Variants in VPS37A observed in about 807,000 individuals in gnomAD.
VPS37A encodes VPS37A subunit of ESCRT-I.
A neutral mutation model predicts 49.8 loss-of-function variants in VPS37A; 30 were observed. That is an observed-to-expected ratio of 0.60 (90% CI 0.45 to 0.82). The LOEUF is 0.82. Ranked by LOEUF, VPS37A falls within the 40% of genes least tolerant of loss-of-function variation. VPS37A has a pLI of 0.00. For synonymous variants in VPS37A, 195 were observed against 160.6 expected, an observed-to-expected ratio of 1.21 and a Z score of -1.62; for missense variants, 593 against 464.4, an observed-to-expected ratio of 1.28 and a Z score of -2.55.
intron 1 of VPS37A, among the ~76,000 whole-genome samples, chr8:17,252,836 T>C (rs990760840): frequency 3.9e-5 from 6 of 152,264 alleles, no homozygotes; most frequent in African/African-American, 1.4e-4. Flanking sequence ...GCATCTGTTA[T>C]GCCTTAGCCC....
the VPS37A span, among the ~76,000 whole-genome samples, chr8:17,316,464 T>TAAA: frequency 2.8e-5 from 4 of 143,472 alleles, no homozygotes; most frequent in Admixed American, 6.9e-5. Flanking sequence ...AACAGTACAG[T>TAAA]AAAAAAAAAA....
In VPS37A at chr8:17,247,054, CCG is replaced by C. The variant is rs1019290277; in HGVS notation, c.-189_-188del. The C allele has an allele frequency of 2.0e-5, 14 of 715,954 alleles. No individual in the cohort carries two copies. In the African/African-American group the frequency reaches 2.3e-4, roughly 12 times the overall value. The allele number at this position is 715,954 out of a possible 1,614,324, so 44.4% of individuals were successfully genotyped here. On this transcript the variant is annotated 5_prime_UTR_variant, in exon 1 of 12. Transcript: ENST00000324849. ...GCCGCAAGTTTCCCTCTCCAGCCGC[CCG>C]CCGTTCGTAGCATGTCCCCCAGAAC...
the VPS37A span, among the ~76,000 whole-genome samples, chr8:17,323,430 A>G: frequency 6.6e-6 from 1 of 152,156 alleles, no homozygotes; most frequent in South Asian, 2.1e-4. Flanking sequence ...AACTGAAGGT[A>G]GGGTTTAAGG....
At chr8:17,253,131 AT>A (rs1262810545) in intron 1 of VPS37A, among the ~76,000 whole-genome samples, 1 of 152,162 alleles carries the variant, frequency 6.6e-6, no homozygotes, top group East Asian at 1.9e-4. Context: ...AAAAAAAGTT[AT>A]GATAAGGCAG....
intron 1 of VPS37A, among the ~76,000 whole-genome samples, chr8:17,265,484 A>G (rs767314845): frequency 6.6e-6 from 1 of 152,162 alleles, no homozygotes; most frequent in African/African-American, 2.4e-5. Flanking sequence ...TCTCATCTAG[A>G]CTTTTAAGTT....
chr8:17,271,499 G>A (rs962061425), intron 4 of VPS37A, among the ~76,000 whole-genome samples: 16 of 152,026 alleles, frequency 1.1e-4, no homozygotes, highest in South Asian at 6.2e-4. Context: ...CCAGCTACTC[G>A]GAAGGCTGAG....
chr8:17,248,209 C>CA (rs1811548462), intron 1 of VPS37A: 1 of 406,078 alleles, frequency 2.5e-6, no homozygotes, highest in Admixed American at 3.1e-5. Context: ...ATTTACTTAA[C>CA]AGTTTCACAC....
chr8:17,292,400 A>C (rs1344695722), intron 11 of VPS37A, among the ~76,000 whole-genome samples: 2 of 152,054 alleles, frequency 1.3e-5, no homozygotes, highest in Non-Finnish European at 2.9e-5. Flanking sequence ...CAGCATACTG[A>C]TGGATCTTGA....
chr8:17,305,610 C>A (rs938449861), downstream of VPS37A: 12 of 639,716 alleles, frequency 1.9e-5, no homozygotes, highest in African/African-American at 2.0e-4. Flanking sequence ...TGAAATGACA[C>A]CAGGAAAAAG....
chr8:17,248,664 A>G (rs1263246504), intron 1 of VPS37A, among the ~76,000 whole-genome samples: 1 of 152,234 alleles, frequency 6.6e-6, no homozygotes, highest in Non-Finnish European at 1.5e-5. Flanking sequence ...AAATGGAATA[A>G]TTTTTAATTA....
At chr8:17,273,843 ACT>A (rs1814246156) in intron 4 of VPS37A, among the ~76,000 whole-genome samples, 3 of 152,276 alleles carry the variant, frequency 2.0e-5, no homozygotes, top group African/African-American at 7.2e-5. Context: ...AAATAATAGT[ACT>A]CTCATAAAAA....
chr8:17,329,680 A>G, the VPS37A span, among the ~76,000 whole-genome samples: 1 of 152,268 alleles, frequency 6.6e-6, no homozygotes, highest in Non-Finnish European at 1.5e-5. Context: ...AATGATGAAC[A>G]GTCTTCAGAC....
chr8:17,302,105 T>C (rs113453094), downstream of VPS37A: 7 of 1,612,396 alleles, frequency 4.3e-6, no homozygotes, highest in Non-Finnish European at 5.1e-6. Flanking sequence ...AGCCTTGCTC[T>C]TCAAGAAATA....
chr8:17,255,472 A>G (rs992996620), intron 1 of VPS37A, among the ~76,000 whole-genome samples: 7 of 151,122 alleles, frequency 4.6e-5, no homozygotes, highest in African/African-American at 1.2e-4. Context: ...CGAGAGTGAG[A>G]CTTCGTCTTA....
chr8:17,256,533 G>C (rs762276554), intron 1 of VPS37A, among the ~76,000 whole-genome samples: 1 of 151,332 alleles, frequency 6.6e-6, no homozygotes, highest in South Asian at 2.1e-4. Context: ...TCATGTATTC[G>C]GTAGTTAATC....
At chr8:17,315,047 C>G in the VPS37A span, among the ~76,000 whole-genome samples, 29 of 152,146 alleles carry the variant, frequency 1.9e-4, no homozygotes, top group African/African-American at 6.8e-4. Context: ...CTTGGGTAGT[C>G]AGCCGTGGGC....
intron 11 of VPS37A, among the ~76,000 whole-genome samples, chr8:17,288,817 C>G (rs55723462): frequency 1.3e-3 from 202 of 152,312 alleles, no homozygotes; most frequent in Non-Finnish European, 1.4e-3. Flanking sequence ...AATGGTTGAA[C>G]TAATTTACAC....
At chr8:17,330,611 A>G in the VPS37A span, among the ~76,000 whole-genome samples, 1 of 152,220 alleles carries the variant, frequency 6.6e-6, no homozygotes, top group African/African-American at 2.4e-5. Flanking sequence ...CGAGTATATA[A>G]GTCTGTGGGT....
chr8:17,302,779 A>G (rs1450552711), downstream of VPS37A, among the ~76,000 whole-genome samples: 2 of 127,976 alleles, frequency 1.6e-5, no homozygotes, highest in East Asian at 2.7e-4. Flanking sequence ...GTGGTGTGAT[A>G]TCGGCTCCTT....
Sources: allele counts gnomAD v4.1 joint callset (sites outside exome capture counted in the v4.1 genomes callset), GRCh38; gene constraint gnomAD v4.1.1; transcripts MANE v1.5; gene names NCBI Gene and HGNC (gene_info 2026-07-23, HGNC 2026-07-21).